FHAD1: variants seen among roughly 807,000 people sequenced by gnomAD.
FHAD1 encodes the protein forkhead associated phosphopeptide binding domain 1.
FHAD1 carries 146 observed loss-of-function variants against 191.3 expected under a neutral mutation model. That is an observed-to-expected ratio of 0.76 (90% CI 0.67 to 0.88). The LOEUF is 0.88. Ranked by LOEUF, FHAD1 falls within the 40% of genes least tolerant of loss-of-function variation. FHAD1 has a pLI of 0.00. For missense variants in FHAD1, 1,635 were observed against 1,785.8 expected (o/e 0.92, Z 1.52); for synonymous variants, 616 against 672.3 (o/e 0.92, Z 1.29).
At chr1:15,371,098 C>T (rs1697947811) in intron 26 of FHAD1, among the ~76,000 whole-genome samples, 1 of 152,234 alleles carries the variant, frequency 6.6e-6, no homozygotes, top group African/African-American at 2.4e-5. Context: ...TGGCCGTAAG[C>T]TCCGTGGGGC....
intron 18 of FHAD1, among the ~76,000 whole-genome samples, chr1:15,348,360 C>A (rs1314982721): frequency 6.6e-6 from 1 of 152,154 alleles, no homozygotes; most frequent in East Asian, 1.9e-4. Context: ...AGAGGTGGCC[C>A]TTCTCATGGT....
In FHAD1 at chr1:15,296,354, C is replaced by T. The variant is rs993806735; in HGVS notation, c.569-330C>T. Among the ~76,000 whole-genome samples, 25 of 151,484 alleles carry T rather than the reference C, an allele frequency of 1.7e-4. No homozygotes were observed. The East Asian group carries it at 2.1e-3, about 13-fold the overall frequency. On this transcript the variant is annotated intron_variant, in intron 4 of 33. Transcript: ENST00000688493. ...CTGCAAGCTCCGCCTCCCAGGTTCACGCCATTCTCCTGCCTCAGCCTCCCG... is the reference window on the plus strand; with the variant it reads ...CTGCAAGCTCCGCCTCCCAGGTTCATGCCATTCTCCTGCCTCAGCCTCCCG...
chr1:15,267,803 T>C (rs1236778612), intron 2 of FHAD1, among the ~76,000 whole-genome samples: 1 of 147,224 alleles, frequency 6.8e-6, no homozygotes, highest in African/African-American at 2.5e-5. Flanking sequence ...ATAAATGATA[T>C]ATAAATTATA....
At chr1:15,313,006 G>T in intron 7 of FHAD1, 51 bp from the exon 8 acceptor site, 1 of 1,544,558 alleles carries the variant, frequency 6.5e-7, no homozygotes, top group South Asian at 1.2e-5. Context: ...CGGCAGCGAT[G>T]ACAGTCATCC....
At chr1:15,341,704 A>C (rs1487689275) in intron 15 of FHAD1, 32 bp from the exon 16 acceptor site, 1 of 1,534,814 alleles carries the variant, frequency 6.5e-7, no homozygotes, top group East Asian at 2.5e-5. Flanking sequence ...CCTGTCCCCC[A>C]TCAGCATCGG....
intron 10 of FHAD1, among the ~76,000 whole-genome samples, chr1:15,322,817 T>G (rs749636518): frequency 7.2e-5 from 11 of 152,216 alleles, no homozygotes; most frequent in Non-Finnish European, 1.2e-4. Context: ...GCTCAGGGCC[T>G]AGCCTCAGAC....
chr1:15,283,969 A>C (rs1557999490), intron 3 of FHAD1, among the ~76,000 whole-genome samples: 1 of 152,212 alleles, frequency 6.6e-6, no homozygotes, highest in Non-Finnish European at 1.5e-5. Context: ...AGGGGCACAG[A>C]GTTTGGAGTC....
At chr1:15,273,357 A>T (rs1231931009) in intron 3 of FHAD1, among the ~76,000 whole-genome samples, 1 of 152,172 alleles carries the variant, frequency 6.6e-6, no homozygotes, top group Non-Finnish European at 1.5e-5. Flanking sequence ...GGTATAGTTG[A>T]CATACAGTAA....
At chr1:15,363,863 A>T (rs886712719) in intron 23 of FHAD1, 6 of 450,216 alleles carry the variant, frequency 1.3e-5, no homozygotes, top group Admixed American at 7.2e-5. Context: ...CAGTGGAGGG[A>T]TTCAGAAGCT....
chr1:15,306,298 T>C (rs1264090567), intron 6 of FHAD1, among the ~76,000 whole-genome samples: 1 of 152,204 alleles, frequency 6.6e-6, no homozygotes, highest in Non-Finnish European at 1.5e-5. Context: ...AAAGGTGACT[T>C]GGGTGCTGTT....
chr1:15,390,641 C>CTTT (rs1703761357), intron 32 of FHAD1, among the ~76,000 whole-genome samples: 1 of 152,186 alleles, frequency 6.6e-6, no homozygotes, highest in South Asian at 2.1e-4. Context: ...TGGGGCTGCT[C>CTTT]TTTCTTCAGG....
intron 2 of FHAD1, among the ~76,000 whole-genome samples, chr1:15,253,880 TC>T (rs1647088294): frequency 6.6e-6 from 1 of 152,250 alleles, no homozygotes; most frequent in South Asian, 2.1e-4. Flanking sequence ...TTTGCCTTGT[TC>T]CTGGTTTTAA....
intron 15 of FHAD1, 116 bp from the exon 16 acceptor site, chr1:15,341,620 A>T (rs916523091): frequency 2.4e-6 from 2 of 827,830 alleles, no homozygotes; most frequent in African/African-American, 3.5e-5. Context: ...GATTTTAAGA[A>T]ACTTTTGGGT....
At chr1:15,245,427 T>C (rs547894608), upstream of FHAD1, among the ~76,000 whole-genome samples, 17 of 152,368 alleles carry the variant, frequency 1.1e-4, no homozygotes, top group African/African-American at 3.8e-4. Flanking sequence ...GTTGTTTCAT[T>C]GTTTCAAAAA....
chr1:15,366,529 A>G (rs574736038), intron 24 of FHAD1, among the ~76,000 whole-genome samples: 1 of 152,242 alleles, frequency 6.6e-6, no homozygotes. Context: ...CCTTTAGCAC[A>G]GATTTGCTTC....
chr1:15,309,959 G>T (rs1354512041), intron 7 of FHAD1, among the ~76,000 whole-genome samples: 1 of 152,150 alleles, frequency 6.6e-6, no homozygotes, highest in Non-Finnish European at 1.5e-5. Flanking sequence ...GGGAACAAGG[G>T]GCTATGGGAC....
rs558697560 is a variant in FHAD1, at chr1:15,313,798, G to A, written c.1170+611G>A. On this transcript the variant is annotated intron_variant, in intron 8 of 33. Transcript: ENST00000688493. ...TAAAAGTAATTTTGAGGCCAGGCAC[G>A]GTGGCTAATGCCTGTAATCCCAGCA... 8.3e-4 allele frequency among the ~76,000 whole-genome samples: 127 copies of A among 152,224 alleles called. 1 individual carries two copies. The highest frequency in any genetic ancestry group is 2.9e-3 in the Admixed American group (44 of 15,290).
intron 1 of FHAD1, among the ~76,000 whole-genome samples, 153 bp from the exon 2 acceptor site, chr1:15,251,618 C>T (rs1780609): frequency 0.29 from 44,245 of 151,992 alleles, 7,470 homozygotes; most frequent in Non-Finnish European, 0.39. Context: ...TTGTCCTTGT[C>T]GTCATTGTTG....
intron 1 of FHAD1, among the ~76,000 whole-genome samples, chr1:15,241,270 G>C (rs1014820173): frequency 1.3e-5 from 2 of 152,202 alleles, no homozygotes; most frequent in African/African-American, 4.8e-5. Flanking sequence ...GACTTTGGGA[G>C]ATGAAAAGAC....
Sources: allele counts gnomAD v4.1 joint callset (sites outside exome capture counted in the v4.1 genomes callset), GRCh38; gene constraint gnomAD v4.1.1; transcripts MANE v1.5; gene names NCBI Gene and HGNC (gene_info 2026-07-23, HGNC 2026-07-21).